C8orf34: variants seen among roughly 807,000 people sequenced by gnomAD.
C8orf34 encodes the protein uncharacterized protein C8orf34.
Under a neutral mutation model 68.3 loss-of-function variants are expected in C8orf34, and 65 were observed. The ratio of observed to expected loss-of-function variants is 0.95; its 90% CI spans 0.78 to 1.17. The LOEUF (loss-of-function observed/expected upper bound fraction) is 1.17. Among genes scored for constraint, C8orf34 ranks in the 50% most tolerant of loss-of-function variants. The probability of loss-of-function intolerance (pLI) is 0.00; values close to 1 mark genes in which losing one functional copy is unlikely to be tolerated. For missense variants in C8orf34, 664 were observed against 655.4 expected (o/e 1.01, Z -0.14); for synonymous variants, 244 against 241.2 (o/e 1.01, Z -0.11).
intron 9 of C8orf34, among the ~76,000 whole-genome samples, chr8:68,710,485 G>A (rs1162526254): frequency 1.3e-5 from 2 of 152,104 alleles, no homozygotes; most frequent in Admixed American, 1.3e-4. Flanking sequence ...CCTTGGAGCT[G>A]GGTGAATCCT....
intron 4 of C8orf34, among the ~76,000 whole-genome samples, chr8:68,472,054 T>C (rs1360633621): frequency 6.6e-6 from 1 of 152,066 alleles, no homozygotes; most frequent in African/African-American, 2.4e-5. Flanking sequence ...GCTCTTTTTC[T>C]GGCTTTTTTT....
At chr8:68,636,039 T>C (rs2130717381) in intron 7 of C8orf34, among the ~76,000 whole-genome samples, 1 of 152,284 alleles carries the variant, frequency 6.6e-6, no homozygotes, top group Admixed American at 6.5e-5. Flanking sequence ...GAAAACTTTA[T>C]AATAATAATT....
chr8:68,380,435 T>C (rs1807984677), intron 1 of C8orf34, among the ~76,000 whole-genome samples: 1 of 152,230 alleles, frequency 6.6e-6, no homozygotes, highest in Non-Finnish European at 1.5e-5. Flanking sequence ...AATTACTGTT[T>C]ACAGTATTGT....
chr8:68,533,166 A>G lies in C8orf34; in HGVS notation c.1105+17A>G, dbSNP rs756636712. 6.4e-6 allele frequency: 10 copies of G among 1,551,672 alleles called. No homozygotes were observed. The highest frequency in any genetic ancestry group is 8.7e-6 in the Non-Finnish European group (10 of 1,154,030). Reference sequence around the variant, plus strand: ...AATTGCTGGGTAATTTTAAAAATTAATAATTTCTCATTTTCTTCTTTGACA... The same window carrying G: ...AATTGCTGGGTAATTTTAAAAATTAGTAATTTCTCATTTTCTTCTTTGACA... On this transcript the variant is annotated intron_variant, in intron 7 of 13. Coordinates refer to ENST00000518698, the MANE Select transcript of C8orf34 (RefSeq NM_052958.4).
At chr8:68,616,051 CTTCTAGATT>C (rs1488381314) in intron 7 of C8orf34, among the ~76,000 whole-genome samples, 1 of 151,366 alleles carries the variant, frequency 6.6e-6, no homozygotes, top group Non-Finnish European at 1.5e-5. Context: ...TTATCCATTT[CTTCTAGATT>C]TTCTAGTTTA....
At chr8:68,735,309 G>T (rs1822093621) in intron 10 of C8orf34, among the ~76,000 whole-genome samples, 3 of 152,132 alleles carry the variant, frequency 2.0e-5, no homozygotes, top group Admixed American at 6.5e-5. Flanking sequence ...GAATTGCCCT[G>T]CTGTAAACAA....
At chr8:68,357,795 G>A (rs951733601) in intron 1 of C8orf34, among the ~76,000 whole-genome samples, 1 of 152,170 alleles carries the variant, frequency 6.6e-6, no homozygotes, top group Non-Finnish European at 1.5e-5. Flanking sequence ...ACATTTGGTA[G>A]CAAACACTTA....
rs757685568 is a variant in C8orf34 at position 68,439,606 on chromosome 8, G to A, written c.435G>A (p.Leu145=). The A allele has an allele frequency of 1.8e-5, 29 of 1,613,392 alleles. No homozygotes were observed. Among genetic ancestry groups the A allele is most frequent in the Non-Finnish European group, 2.4e-5 (28 of 1,179,670 alleles). Residue 145 remains leucine, a synonymous_variant, in exon 2 of 14, where the codon TTG becomes TTA. Transcript: ENST00000518698. The part of the protein sequence containing the change: ...QGNRGQLQRT[L]SGSAALWAES... ...ACCGTGGACAACTTCAAAGAACTTT[G>A]TCTGGATCTGCAGCTCTATGGGCAG...
intron 8 of C8orf34, among the ~76,000 whole-genome samples, chr8:68,692,369 T>A (rs55691147): frequency 6.6e-6 from 1 of 152,008 alleles, no homozygotes; most frequent in Non-Finnish European, 1.5e-5. Flanking sequence ...TTTTTTGTAA[T>A]AATACCAAAC....
rs114563474 is a variant in C8orf34, at chr8:68,800,829, A to T, written c.1549+13293A>T. ...GTCAGAAATAAATAAAATTCTACAGAAGTTAGCACACTCTGCTTTCTACGT... is the reference window on the plus strand; with the variant it reads ...GTCAGAAATAAATAAAATTCTACAGTAGTTAGCACACTCTGCTTTCTACGT... On this transcript the variant is annotated intron_variant, in intron 12 of 13. Transcript: ENST00000518698. Among the ~76,000 whole-genome samples, 954 of 152,270 alleles carry T rather than the reference A, an allele frequency of 6.3e-3. 9 individuals are homozygous for T. Among genetic ancestry groups the T allele is most frequent in the African/African-American group, 0.022 (901 of 41,564 alleles).
At chr8:68,421,258 C>G (rs1409523887) in intron 1 of C8orf34, among the ~76,000 whole-genome samples, 2 of 152,146 alleles carry the variant, frequency 1.3e-5, no homozygotes, top group Non-Finnish European at 2.9e-5. Flanking sequence ...GCTCTGAAAT[C>G]TAGAAAGAAG....
At chr8:68,661,669 C>T (rs778114508) in intron 8 of C8orf34, among the ~76,000 whole-genome samples, 1 of 152,170 alleles carries the variant, frequency 6.6e-6, no homozygotes, top group African/African-American at 2.4e-5. Context: ...GGTCACTCTA[C>T]CCCATTCCCC....
chr8:68,335,747 G>T (rs1805820363), intron 1 of C8orf34, among the ~76,000 whole-genome samples: 1 of 152,080 alleles, frequency 6.6e-6, no homozygotes, highest in Admixed American at 6.6e-5. Flanking sequence ...ATAGTAATAT[G>T]TACATATACC....
rs377095095 is a variant in C8orf34 at position 68,651,953 on chromosome 8, G to A, written c.1241+11442G>A. ...GAAAGTCTATGCACTCAATTTTCAG[G>A]TAGGGGCAGAGTCTTAACCTTCCAG... On this transcript the variant is annotated intron_variant, in intron 8 of 13. Coordinates refer to ENST00000518698, the MANE Select transcript of C8orf34 (RefSeq NM_052958.4). Among the ~76,000 whole-genome samples, 39 of 152,260 alleles carry A rather than the reference G, an allele frequency of 2.6e-4. No individual in the cohort carries two copies. The East Asian group carries it at 5.2e-3, about 20-fold the overall frequency.
rs541663200 is a variant in C8orf34 at position 68,617,107 on chromosome 8, C to A, written c.1106-23269C>A. Among the ~76,000 whole-genome samples the A allele has an allele frequency of 5.2e-3, 786 of 152,218 alleles. 10 individuals carry two copies. The highest frequency in any genetic ancestry group is 0.017 in the African/African-American group (709 of 41,526). On this transcript the variant is annotated intron_variant, in intron 7 of 13. Transcript: ENST00000518698. ...TCTGTTTTATCAGAGACTAGGATTG[C>A]AACTCCTGCCTTTTTTTGTTTTCCA...
In C8orf34 at chr8:68,439,865, A is replaced by T. The variant is rs576042017; in HGVS notation, c.475+219A>T. Among the ~76,000 whole-genome samples, 26 of 152,208 alleles carry T rather than the reference A, an allele frequency of 1.7e-4. 1 individual carries two copies. Among genetic ancestry groups the T allele is most frequent in the Non-Finnish European group, 1.5e-5 (1 of 68,036 alleles). ...CAAAATACAAGAATCAGCATTTTGC[A>T]TTTTAATACAGATAAGATTCAGATT... On this transcript the variant is annotated intron_variant, in intron 2 of 13. Transcript: ENST00000518698.
chr8:68,533,457 T>C (rs1209264331), intron 7 of C8orf34: 1 of 1,041,066 alleles, frequency 9.6e-7, no homozygotes, highest in African/African-American at 1.7e-5. Context: ...GTCTGCTTTA[T>C]TCTCTGATAA....
At chr8:68,531,347 T>C (rs1260197331) in intron 6 of C8orf34, among the ~76,000 whole-genome samples, 2 of 152,160 alleles carry the variant, frequency 1.3e-5, no homozygotes, top group Non-Finnish European at 2.9e-5. Context: ...AGTTGTCAAA[T>C]CTTTTTAGTC....
intron 5 of C8orf34, among the ~76,000 whole-genome samples, chr8:68,496,546 T>C (rs1257485758): frequency 6.6e-6 from 1 of 152,236 alleles, no homozygotes; most frequent in Non-Finnish European, 1.5e-5. Flanking sequence ...TGGCTATATG[T>C]GTACCATTGA....
Sources: allele counts gnomAD v4.1 joint callset (sites outside exome capture counted in the v4.1 genomes callset), GRCh38; gene constraint gnomAD v4.1.1; transcripts MANE v1.5; gene names NCBI Gene and HGNC (gene_info 2026-07-23, HGNC 2026-07-21).